FGF14: variants seen among roughly 807,000 people sequenced by gnomAD.
FGF14 encodes the protein fibroblast growth factor 14.
A neutral mutation model predicts 25.5 loss-of-function variants in FGF14; 5 were observed. The ratio of observed to expected loss-of-function variants is 0.20; its 90% CI spans 0.10 to 0.41. FGF14 has a LOEUF of 0.41. Among genes scored for constraint, FGF14 ranks in the 10% least tolerant of loss-of-function variants. The pLI, the probability that FGF14 is intolerant of heterozygous loss-of-function variation, is 1.00. For synonymous variants in FGF14, 138 were observed against 118.3 expected, an observed-to-expected ratio of 1.17 and a Z score of -1.08; for missense variants, 222 against 320.1, an observed-to-expected ratio of 0.69 and a Z score of 2.34.
chr13:101,733,370 G>A (rs1218754770), intron 3 of FGF14, among the ~76,000 whole-genome samples: 2 of 152,072 alleles, frequency 1.3e-5, no homozygotes, highest in Non-Finnish European at 2.9e-5. Context: ...GGCCAAGGCA[G>A]GCGATCATGA....
At chr13:101,883,200 A>G (rs2045808652) in intron 1 of FGF14, among the ~76,000 whole-genome samples, 1 of 152,144 alleles carries the variant, frequency 6.6e-6, no homozygotes, top group Non-Finnish European at 1.5e-5. Context: ...TAAAACCCAA[A>G]GTTTCTCCTT....
intron 1 of FGF14, among the ~76,000 whole-genome samples, chr13:102,109,776 C>T (rs1004520579): frequency 1.8e-4 from 27 of 152,162 alleles, no homozygotes; most frequent in African/African-American, 5.1e-4. Context: ...CCTGCCACAA[C>T]GCCCAGGTAA....
chr13:101,730,003 T>C (rs1049218650), intron 3 of FGF14, among the ~76,000 whole-genome samples: 1 of 152,166 alleles, frequency 6.6e-6, no homozygotes, highest in African/African-American at 2.4e-5. Context: ...AGTTCATCAC[T>C]GAGATACACG....
intron 3 of FGF14, among the ~76,000 whole-genome samples, chr13:101,830,707 A>T (rs1264423123): frequency 6.6e-6 from 1 of 152,100 alleles, no homozygotes; most frequent in African/African-American, 2.4e-5. Context: ...ACATAAGCTT[A>T]GGGGCCTAAA....
At chr13:101,958,955 ACAAT>A (rs1433162457) in intron 1 of FGF14, among the ~76,000 whole-genome samples, 1 of 152,166 alleles carries the variant, frequency 6.6e-6, no homozygotes, top group East Asian at 1.9e-4. Context: ...ATTGAGATAC[ACAAT>A]CAGAGATTTG....
At chr13:102,315,391 A>G (rs2055972743) in intron 1 of FGF14, among the ~76,000 whole-genome samples, 2 of 151,854 alleles carry the variant, frequency 1.3e-5, no homozygotes, top group Non-Finnish European at 2.9e-5. Flanking sequence ...AAGTTCAAAA[A>G]CTATCACTTC....
chr13:101,964,464 G>C (rs2037060072), intron 1 of FGF14, among the ~76,000 whole-genome samples: 1 of 152,180 alleles, frequency 6.6e-6, no homozygotes, highest in Non-Finnish European at 1.5e-5. Flanking sequence ...AGCCTGCTTT[G>C]CAAGGGCTGA....
In FGF14 at chr13:102,385,312, C is replaced by T. The variant is rs527352271; in HGVS notation, c.208+16159G>A. Among the ~76,000 whole-genome samples, 28 of 152,298 alleles carry T rather than the reference C, an allele frequency of 1.8e-4. 1 individual carries two copies. In the Middle Eastern group the frequency reaches 0.017, roughly 93 times the overall value. ...CCTATAATGTAACTTAAATATACCA[C>T]ACATTTGGAGATTCCAACACTTACT... is the stretch of plus-strand genomic sequence containing the variant. On this transcript the variant is annotated intron_variant, in intron 1 of 4. Transcript: ENST00000376131.
chr13:101,888,377 G>A (rs2046100043), intron 1 of FGF14, among the ~76,000 whole-genome samples: 1 of 152,124 alleles, frequency 6.6e-6, no homozygotes, highest in African/African-American at 2.4e-5. Context: ...ATTCTGAAAT[G>A]TTAAGCTTTT....
rs996452511 is a variant in FGF14 at position 102,273,204 on chromosome 13, A to G, written c.208+128267T>C. Among the ~76,000 whole-genome samples the G allele has an allele frequency of 2.6e-5, 4 of 152,334 alleles. 1 individual carries two copies. The stretch of plus-strand genomic sequence containing the variant: ...GGTGTGGTTCAAGCCCGTGCTGAGT[A>G]ACTTTTGGACAGGGACACTAAAAAA... On this transcript the variant is annotated intron_variant, in intron 1 of 4. Coordinates refer to the FGF14 transcript ENST00000376131.
intron 1 of FGF14, among the ~76,000 whole-genome samples, chr13:101,902,144 G>C (rs986937203): frequency 6.6e-6 from 1 of 152,114 alleles, no homozygotes; most frequent in Non-Finnish European, 1.5e-5. Flanking sequence ...TGCTTAAAGA[G>C]GACCATATAC....
chr13:102,128,639 G>A (rs986443539), intron 1 of FGF14, among the ~76,000 whole-genome samples: 8 of 152,258 alleles, frequency 5.3e-5, no homozygotes, highest in Admixed American at 5.2e-4. Flanking sequence ...AACAGACAAA[G>A]GGAAATGAAG....
intron 1 of FGF14, among the ~76,000 whole-genome samples, chr13:102,320,627 A>T (rs1404940523): frequency 1.3e-5 from 2 of 152,174 alleles, no homozygotes; most frequent in Non-Finnish European, 2.9e-5. Flanking sequence ...TAGAGGTAGG[A>T]GGCAAGGTAG....
Position 102,333,009 on chromosome 13 carries a change from T to C in FGF14, c.208+68462A>G, listed in dbSNP as rs112156564. ...TAAAGGAGATCACAACATAGAACTC[T>C]TATGAAGATATTTCTATATGCGGTA... On this transcript the variant is annotated intron_variant, in intron 1 of 4. Coordinates refer to the FGF14 transcript ENST00000376131. Among the ~76,000 whole-genome samples the C allele has an allele frequency of 4.9e-3, 750 of 152,290 alleles. 2 individuals are homozygous for C. Among genetic ancestry groups the C allele is most frequent in the Non-Finnish European group, 8.1e-3 (551 of 68,026 alleles).
intron 1 of FGF14, among the ~76,000 whole-genome samples, chr13:102,157,658 G>A (rs2047409235): frequency 2.6e-5 from 4 of 152,136 alleles, no homozygotes. Context: ...ATTGACAAAT[G>A]GGATCTAATT....
intron 1 of FGF14, among the ~76,000 whole-genome samples, chr13:102,243,996 C>T (rs1333703748): frequency 1.3e-5 from 2 of 152,156 alleles, no homozygotes; most frequent in African/African-American, 4.8e-5. Context: ...CCATCCTGTT[C>T]TGCACTGGGA....
chr13:102,281,765 G>T (rs897739677), intron 1 of FGF14, among the ~76,000 whole-genome samples: 1 of 148,484 alleles, frequency 6.7e-6, no homozygotes, highest in Admixed American at 6.8e-5. Flanking sequence ...CATTTCTCCA[G>T]ATTTCTCATC....
chr13:102,236,469 G>A (rs892908815), intron 1 of FGF14, among the ~76,000 whole-genome samples: 3 of 152,080 alleles, frequency 2.0e-5, no homozygotes, highest in East Asian at 1.9e-4. Flanking sequence ...AACTCTCACC[G>A]GACGCAAACA....
intron 1 of FGF14, among the ~76,000 whole-genome samples, chr13:102,112,934 T>G (rs1406448827): frequency 6.6e-6 from 1 of 152,206 alleles, no homozygotes; most frequent in African/African-American, 2.4e-5. Flanking sequence ...CATAATGCAC[T>G]CTAAGACATA....
Sources: allele counts gnomAD v4.1 joint callset (sites outside exome capture counted in the v4.1 genomes callset), GRCh38; gene constraint gnomAD v4.1.1; transcripts MANE v1.5; gene names NCBI Gene and HGNC (gene_info 2026-07-23, HGNC 2026-07-21).